The following KCNT2 variants were observed in gnomAD, a reference collection of about 807,000 sequenced individuals.
The protein encoded by KCNT2 is potassium sodium-activated channel subfamily T member 2.
KCNT2 carries 67 observed loss-of-function variants against 153.8 expected under a neutral mutation model. The observed-to-expected ratio is 0.44, with a 90% CI of 0.36 to 0.53. KCNT2 has a LOEUF of 0.53. Ranked by LOEUF, KCNT2 falls within the 20% of genes least tolerant of loss-of-function variation. The probability of loss-of-function intolerance (pLI) is 0.00; values close to 1 mark genes in which losing one functional copy is unlikely to be tolerated. For missense variants in KCNT2, 975 were observed against 1,354.8 expected (o/e 0.72, Z 4.40); for synonymous variants, 500 against 458.8 (o/e 1.09, Z -1.15).
intron 1 of KCNT2, among the ~76,000 whole-genome samples, chr1:196,502,775 T>C (rs1466223184): frequency 1.3e-5 from 2 of 152,168 alleles, no homozygotes; most frequent in Non-Finnish European, 2.9e-5. Flanking sequence ...ATGTTCAATG[T>C]TCATTTGCTG....
chr1:196,594,811 T>G (rs1189685437), intron 1 of KCNT2, among the ~76,000 whole-genome samples: 1 of 152,044 alleles, frequency 6.6e-6, no homozygotes, highest in Non-Finnish European at 1.5e-5. Flanking sequence ...CATCAGCTTG[T>G]GAAAAGAGGG....
intron 3 of KCNT2, among the ~76,000 whole-genome samples, chr1:196,487,216 T>C (rs527984378): frequency 1.4e-4 from 21 of 152,094 alleles, no homozygotes; most frequent in African/African-American, 5.1e-4. Context: ...CTGGTTCTCA[T>C]GTGAGACCTG....
At chr1:196,572,292 C>T (rs925813835) in intron 1 of KCNT2, among the ~76,000 whole-genome samples, 5 of 152,062 alleles carry the variant, frequency 3.3e-5, no homozygotes, top group Non-Finnish European at 7.4e-5. Flanking sequence ...GGCATAAGAT[C>T]CTCCAGCTCA....
intron 1 of KCNT2, among the ~76,000 whole-genome samples, chr1:196,534,388 A>C (rs1655297354): frequency 6.6e-6 from 1 of 152,202 alleles, no homozygotes; most frequent in South Asian, 2.1e-4. Flanking sequence ...TCATTTTGAA[A>C]CCTTACTCCA....
intron 8 of KCNT2, among the ~76,000 whole-genome samples, chr1:196,432,765 C>T (rs1262601499): frequency 6.6e-6 from 1 of 152,030 alleles, no homozygotes; most frequent in African/African-American, 2.4e-5. Context: ...TTGAGTCTCA[C>T]CCATATCTAA....
chr1:196,586,226 T>C (rs1054753122), intron 1 of KCNT2, among the ~76,000 whole-genome samples: 4 of 152,138 alleles, frequency 2.6e-5, no homozygotes, highest in Non-Finnish European at 5.9e-5. Context: ...ATTCTGCTGC[T>C]ACACTCCAAC....
At chr1:196,239,960 A>G (rs1212550007) in intron 26 of KCNT2, among the ~76,000 whole-genome samples, 2 of 152,080 alleles carry the variant, frequency 1.3e-5, no homozygotes, top group Non-Finnish European at 2.9e-5. Flanking sequence ...GAAGGCAGCC[A>G]TCTGTCAGCA....
chr1:196,492,478 T>G, intron 1 of KCNT2, 137 bp from the exon 2 acceptor site: 1 of 707,270 alleles, frequency 1.4e-6, no homozygotes, highest in Non-Finnish European at 1.9e-6. Context: ...TTATTTGATT[T>G]AATGCATTAT....
chr1:196,594,004 A>G (rs1663745334), intron 1 of KCNT2, among the ~76,000 whole-genome samples: 1 of 152,048 alleles, frequency 6.6e-6, no homozygotes. Flanking sequence ...ACACACATAC[A>G]CACACACAAG....
chr1:196,550,657 G>T (rs1249136516), intron 1 of KCNT2, among the ~76,000 whole-genome samples: 2 of 151,842 alleles, frequency 1.3e-5, no homozygotes, highest in African/African-American at 2.4e-5. Flanking sequence ...ACTTGCAGAG[G>T]TTCTAAAATA....
At chr1:196,280,722 T>C in intron 25 of KCNT2, 138 bp downstream of exon 25, 1 of 813,522 alleles carries the variant, frequency 1.2e-6, no homozygotes, top group Non-Finnish European at 1.9e-6. Context: ...AATTTGGTTC[T>C]GAGATTTAAC....
At chr1:196,340,169 A>T (rs564830666) in intron 16 of KCNT2, among the ~76,000 whole-genome samples, 172 bp downstream of exon 16, 3 of 152,058 alleles carry the variant, frequency 2.0e-5, no homozygotes, top group Non-Finnish European at 4.4e-5. Flanking sequence ...CTTTTTAAAA[A>T]ATTCACAACT....
rs564271330 is a variant in KCNT2, at chr1:196,336,006, TC to T, written c.1784-1947del. ...CTGGATCCCTTGATACATTTTTGCTTCATTCCACCCTCTTGACAAAATAGAA... is the reference window on the plus strand; with the variant it reads ...CTGGATCCCTTGATACATTTTTGCTTATTCCACCCTCTTGACAAAATAGAA... On this transcript the variant is annotated intron_variant, in intron 16 of 27. Transcript: ENST00000294725. 1.0e-3 allele frequency among the ~76,000 whole-genome samples: 156 copies of T among 152,278 alleles called. 2 individuals are homozygous for T. The South Asian group carries it at 0.013, about 13-fold the overall frequency.
chr1:196,592,323 G>A (rs1045374385), intron 1 of KCNT2, among the ~76,000 whole-genome samples: 1 of 151,666 alleles, frequency 6.6e-6, no homozygotes, highest in African/African-American at 2.4e-5. Context: ...CATGGAGACA[G>A]AAAGTAGAAG....
intron 3 of KCNT2, among the ~76,000 whole-genome samples, chr1:196,485,689 A>G (rs1307861970): frequency 1.3e-5 from 2 of 151,998 alleles, no homozygotes; most frequent in Non-Finnish European, 2.9e-5. Flanking sequence ...GAGATCTCCA[A>G]TGGAAAGACA....
chr1:196,558,066 G>A (rs1658909776), intron 1 of KCNT2, among the ~76,000 whole-genome samples: 1 of 151,318 alleles, frequency 6.6e-6, no homozygotes, highest in Admixed American at 6.6e-5. Context: ...TGCCAAAGTG[G>A]ATGAGGTACA....
chr1:196,288,653 C>A (rs74133658), intron 22 of KCNT2, among the ~76,000 whole-genome samples: 12,566 of 151,970 alleles, frequency 0.083, 595 homozygotes, highest in African/African-American at 0.12. Flanking sequence ...TTTAGACATT[C>A]AATTTTAAGA....
chr1:196,354,036 A>G (rs1408276951), intron 14 of KCNT2, among the ~76,000 whole-genome samples: 2 of 151,912 alleles, frequency 1.3e-5, no homozygotes, highest in Non-Finnish European at 2.9e-5. Context: ...TATACTGATG[A>G]CTTCCTACGT....
At chr1:196,354,554 C>T (rs1343507742) in intron 14 of KCNT2, among the ~76,000 whole-genome samples, 4 of 151,608 alleles carry the variant, frequency 2.6e-5, no homozygotes, top group Non-Finnish European at 4.4e-5. Context: ...TTTGCATATA[C>T]GTAACTGTAG....
Sources: gnomAD v4.1 joint callset for allele counts (sites outside exome capture counted in the v4.1 genomes callset) on GRCh38, gnomAD v4.1.1 for gene constraint, MANE v1.5 for transcripts, NCBI Gene and HGNC (gene_info 2026-07-23, HGNC 2026-07-21) for gene names.